The following RUNDC3A variants were observed in gnomAD, a reference collection of about 807,000 sequenced individuals.
RUNDC3A encodes the protein RUN domain containing 3A.
Under a neutral mutation model 53.9 loss-of-function variants are expected in RUNDC3A, and 28 were observed. The ratio of observed to expected loss-of-function variants is 0.52; its 90% CI spans 0.38 to 0.71. The LOEUF is 0.71. RUNDC3A is among the 30% of genes least tolerant of loss of function. RUNDC3A has a pLI of 0.00. For synonymous variants in RUNDC3A, 232 were observed against 249.4 expected (o/e 0.93, Z 0.66); for missense variants, 491 against 597.3 (o/e 0.82, Z 1.85).
intron 1 of RUNDC3A, 63 bp downstream of exon 1, chr17:44,309,002 A>G: frequency 2.6e-6 from 3 of 1,161,380 alleles, no homozygotes; most frequent in Non-Finnish European, 3.7e-6. Context: ...TGGACTGCGG[A>G]AACCCGGACT....
chr17:44,314,002 C>T (rs2047802967), intron 4 of RUNDC3A: 3 of 992,544 alleles, frequency 3.0e-6, no homozygotes, highest in Non-Finnish European at 3.6e-6. Context: ...CCACCACCAC[C>T]ACTTGCAAGT....
At chr17:44,313,711 C>T (rs1233845742) in intron 4 of RUNDC3A, 14 of 1,304,878 alleles carry the variant, frequency 1.1e-5, no homozygotes, top group Admixed American at 4.0e-5. Flanking sequence ...GAAGGAGTTT[C>T]GCTCTTGTTG....
intron 4 of RUNDC3A, chr17:44,314,237 G>C: frequency 1.0e-6 from 1 of 1,004,440 alleles, no homozygotes; most frequent in African/African-American, 1.7e-5. Flanking sequence ...TTCACAGGGA[G>C]GTTGGGTGCC....
At chr17:44,313,674 A>AAC in intron 4 of RUNDC3A, 171 bp downstream of exon 4, 2 of 1,318,496 alleles carry the variant, frequency 1.5e-6, no homozygotes, top group East Asian at 3.0e-5. Context: ...TCCCAGGACG[A>AAC]ACTCTTTTTT....
intron 1 of RUNDC3A, chr17:44,310,655 C>T (rs2047732269): frequency 1.0e-6 from 1 of 978,974 alleles, no homozygotes; most frequent in African/African-American, 1.7e-5. Flanking sequence ...TCCCCTGGGC[C>T]CTGGCCTCCC....
In RUNDC3A at chr17:44,314,674, TGGGG is replaced by T. The variant is rs532406403; in HGVS notation, c.459-50_459-47del. 5.5e-4 allele frequency: 460 copies of T among 839,656 alleles called. 1 individual carries two copies. The highest frequency in any genetic ancestry group is 3.0e-3 in the African/African-American group (103 of 34,004). 52.0% of individuals were successfully genotyped at this position (839,656 alleles called of 1,614,324 possible). On this transcript the variant is annotated intron_variant, in intron 4 of 10. Coordinates refer to ENST00000426726, the MANE Select transcript of RUNDC3A (RefSeq NM_001144825.2). The stretch of plus-strand genomic sequence containing the variant: ...GGCAGTAAGCCAACAATAGCAGCTC[TGGGG>T]GGGGGGGGGGCGCTCCAGGGGCCTG...
intron 1 of RUNDC3A, among the ~76,000 whole-genome samples, chr17:44,311,821 C>T (rs188330131): frequency 6.6e-6 from 1 of 152,286 alleles, no homozygotes; most frequent in African/African-American, 2.4e-5. Flanking sequence ...TAGTCCCTTC[C>T]TCCCAAAGAA....
rs1220747638 is a variant in RUNDC3A at position 44,316,670 on chromosome 17, G to A, written c.1143G>A (p.Ser381=). 1.3e-6 allele frequency: 2 copies of A among 1,550,464 alleles called. No homozygotes were observed. Among genetic ancestry groups the A allele is most frequent in the Non-Finnish European group, 1.7e-6 (2 of 1,146,990 alleles). Residue 381 remains serine, a synonymous_variant, in exon 10 of 11, where the codon TCG becomes TCA. Transcript: ENST00000426726. The part of the protein sequence containing the change: ...EPLSAEASLS[S]DSQRLGEGTR... ...TGTCAGCTGAAGCCAGTCTGAGCTC[G>A]GACTCCCAGCGCCTGGGAGAGGGCA...
rs1051571855 is a variant in RUNDC3A at position 44,318,378 on chromosome 17, C to G, written c.*140C>G. ...GCCAGGGTTCTCTCGGGGAAGATCT[C>G]GTCTGCTCACCTTAGCTTTCTGCCT... On this transcript the variant is annotated 3_prime_UTR_variant, in exon 11 of 11. Transcript: ENST00000426726. 1.0e-6 allele frequency: 1 copy of G among 978,926 alleles called. No homozygotes were observed. Among genetic ancestry groups the G allele is most frequent in the Non-Finnish European group, 1.5e-6 (1 of 667,662 alleles). 60.6% of individuals were successfully genotyped at this position (978,926 alleles called of 1,614,324 possible).
At position 44,312,566 on chromosome 17, in the gene RUNDC3A, ACCTCGCCG is replaced by A; in HGVS notation, c.108-11_108-4del. 6.6e-7 allele frequency: 1 copy of A among 1,509,380 alleles called. No individual in the cohort carries two copies. The highest frequency in any genetic ancestry group is 9.0e-7 in the Non-Finnish European group (1 of 1,110,734). The allele number at this position is 1,509,380 out of a possible 1,614,324, so 93.5% of individuals were successfully genotyped here. The stretch of plus-strand genomic sequence containing the variant: ...TGACACCCCACTGCCCCATCTCCCC[ACCTCGCCG>A]CCCAGGTTCTCTGTGAAAACGCTGC... On this transcript the variant is annotated splice_polypyrimidine_tract_variant and splice_region_variant and intron_variant, in intron 1 of 10. Transcript: ENST00000426726.
chr17:44,315,177 G>C lies in RUNDC3A; in HGVS notation c.652G>C (p.Glu218Gln). 6.4e-7 allele frequency: 1 copy of C among 1,565,910 alleles called. No individual in the cohort carries two copies. Among genetic ancestry groups the C allele is most frequent in the Non-Finnish European group, 8.7e-7 (1 of 1,155,142 alleles). Residue 218 changes from glutamate (E) to glutamine (Q), a missense_variant, in exon 7 of 11, where the codon GAG (glutamate) becomes CAG (glutamine). By Grantham distance (29) the Glu-to-Gln change is conservative. Coordinates refer to ENST00000426726, the MANE Select transcript of RUNDC3A (RefSeq NM_001144825.2). This position sits in a 1 kb window ranked among gnomAD's most constrained non-coding sequence, Gnocchi z 6.1. ...AAGCTACGACTACCTGACGGACGAG[G>C]AGGAGCGGCACAGCGCCGAGAGCAG... ...TQSYDYLTDEEERHSAESSTS... is the reference protein window; with the variant it reads ...TQSYDYLTDEQERHSAESSTS...
Position 44,308,679 on chromosome 17 carries a change from G to C in RUNDC3A, c.-154G>C. On this transcript the variant is annotated 5_prime_UTR_variant, in exon 1 of 11. Coordinates refer to ENST00000426726, the MANE Select transcript of RUNDC3A (RefSeq NM_001144825.2). ...ATCGCCGCCGGGGGAGGGAGCGAGG[G>C]GGCCGGGCACCGGGCGCAAAGGCAG... 1 of 470,010 alleles carries C rather than the reference G, an allele frequency of 2.1e-6. No homozygotes were observed. Among genetic ancestry groups the C allele is most frequent in the Non-Finnish European group, 3.7e-6 (1 of 268,194 alleles). 29.1% of individuals were successfully genotyped at this position (470,010 alleles called of 1,614,324 possible).
At chr17:44,311,718 A>G (rs1046664599) in intron 1 of RUNDC3A, among the ~76,000 whole-genome samples, 2 of 152,208 alleles carry the variant, frequency 1.3e-5, no homozygotes, top group Admixed American at 1.3e-4. Context: ...GGGAGATTGC[A>G]GGGGTAGTGA....
chr17:44,308,809 C>T lies in RUNDC3A; in HGVS notation c.-24C>T, dbSNP rs779110948. 5 of 1,517,224 alleles carry T rather than the reference C, an allele frequency of 3.3e-6. No individual in the cohort carries two copies. Among genetic ancestry groups the T allele is most frequent in the East Asian group, 2.4e-5 (1 of 42,002 alleles). The allele number at this position is 1,517,224 out of a possible 1,614,324, so 94.0% of individuals were successfully genotyped here. A position where few individuals can be genotyped will look rare whatever the true frequency, so the allele number is the denominator to read the frequency against. ...GGAGGGGTGGGGGGGCAGCGGGCGG[C>T]GGCAGCAGTGGCCGCACATCTGGAT... On this transcript the variant is annotated 5_prime_UTR_variant, in exon 1 of 11. Transcript: ENST00000426726.
At position 44,318,170 on chromosome 17, in the gene RUNDC3A, A is replaced by G; in HGVS notation, c.1273A>G (p.Ser425Gly). Residue 425 changes from serine to glycine, a missense_variant, in exon 11 of 11, where the codon AGC becomes GGC. By Grantham distance (56) the Ser-to-Gly change is moderately conservative (BLOSUM62 0). This residue lies in a region of RUNDC3A where 218 missense variants were observed against 208.2 expected (regional missense o/e 1.05). Transcript: ENST00000426726. ...CATTCCCAGCTGCAAGTCCCTGGCG[A>G]GCTTCAAATCCAACGAGTGCCTGGT... ...ASIPSCKSLA[S>G]FKSNECLVSD... 6.4e-7 allele frequency: 1 copy of G among 1,551,460 alleles called. No individual in the cohort carries two copies. The highest frequency in any genetic ancestry group is 8.7e-7 in the Non-Finnish European group (1 of 1,146,986).
intron 1 of RUNDC3A, among the ~76,000 whole-genome samples, chr17:44,309,206 A>G (rs1239047555): frequency 6.6e-6 from 1 of 151,158 alleles, no homozygotes; most frequent in Non-Finnish European, 1.5e-5. Flanking sequence ...TGTGAGAACC[A>G]GGAAGTGACA....
Position 44,318,273 on chromosome 17 carries a change from G to A in RUNDC3A, c.*35G>A. The A allele has an allele frequency of 6.5e-7, 1 of 1,534,210 alleles. No homozygotes were observed. Among genetic ancestry groups the A allele is most frequent in the Non-Finnish European group, 8.8e-7 (1 of 1,134,232 alleles). ...TGGGCAGTGCCAGCCCCACCTGCCA[G>A]GGGCCATGGACACCTGCCACCTTTC... On this transcript the variant is annotated 3_prime_UTR_variant, in exon 11 of 11. Transcript: ENST00000426726.
At chr17:44,316,807 T>A (rs1271311755) in intron 10 of RUNDC3A, 82 bp downstream of exon 10, 1 of 758,068 alleles carries the variant, frequency 1.3e-6, no homozygotes, top group Non-Finnish European at 2.1e-6. Context: ...ATGTCCTCAT[T>A]CATTCTCTTA....
rs1466983707 is a variant in RUNDC3A, at chr17:44,312,565, C to T, written c.108-15C>T. The T allele has an allele frequency of 1.3e-6, 2 of 1,505,160 alleles. No homozygotes were observed. The highest frequency in any genetic ancestry group is 1.2e-5 in the South Asian group (1 of 83,024). 93.2% of individuals were successfully genotyped at this position (1,505,160 alleles called of 1,614,324 possible). On this transcript the variant is annotated splice_polypyrimidine_tract_variant and intron_variant, in intron 1 of 10. Transcript: ENST00000426726. ...CTGACACCCCACTGCCCCATCTCCC[C>T]ACCTCGCCGCCCAGGTTCTCTGTGA...
Sources: allele counts gnomAD v4.1 joint callset (sites outside exome capture counted in the v4.1 genomes callset), GRCh38; gene constraint gnomAD v4.1.1; regional missense constraint gnomAD v4.1.1; non-coding constraint Gnocchi (gnomAD v3.1); transcripts MANE v1.5; gene names NCBI Gene and HGNC (gene_info 2026-07-23, HGNC 2026-07-21).